The following PXDNL variants were observed in gnomAD, a reference collection of about 807,000 sequenced individuals.
The protein encoded by PXDNL is peroxidasin like.
PXDNL carries 145 observed loss-of-function variants against 150.8 expected under a neutral mutation model. The observed-to-expected ratio is 0.96, with a 90% CI of 0.84 to 1.10. The LOEUF (loss-of-function observed/expected upper bound fraction) is 1.10. PXDNL is among the 50% of genes least tolerant of loss of function. The probability of loss-of-function intolerance (pLI) is 0.00; values close to 1 mark genes in which losing one functional copy is unlikely to be tolerated. For synonymous variants in PXDNL, 757 were observed against 725.7 expected, an observed-to-expected ratio of 1.04 and a Z score of -0.69; for missense variants, 2,087 against 1,873.9, an observed-to-expected ratio of 1.11 and a Z score of -2.10.
At chr8:51,495,023 G>C (rs1811011161) in intron 5 of PXDNL, among the ~76,000 whole-genome samples, 1 of 152,100 alleles carries the variant, frequency 6.6e-6, no homozygotes. Flanking sequence ...TGACCACATA[G>C]TTGGAAGTAA....
chr8:51,606,113 T>A (rs1813834106), intron 2 of PXDNL, among the ~76,000 whole-genome samples: 1 of 152,208 alleles, frequency 6.6e-6, no homozygotes, highest in South Asian at 2.1e-4. Context: ...TATGAGATTG[T>A]GAATTGTGAT....
intron 12 of PXDNL, among the ~76,000 whole-genome samples, chr8:51,429,757 A>C (rs548805070): frequency 6.6e-6 from 1 of 150,776 alleles, no homozygotes; most frequent in Non-Finnish European, 1.5e-5. Flanking sequence ...GACTAAGGAA[A>C]TAAGAGCTTT....
intron 7 of PXDNL, among the ~76,000 whole-genome samples, chr8:51,473,987 C>A (rs1281789469): frequency 6.6e-6 from 1 of 152,178 alleles, no homozygotes; most frequent in African/African-American, 2.4e-5. Flanking sequence ...TCCAGCCAAA[C>A]TTGACTGTGG....
intron 12 of PXDNL, among the ~76,000 whole-genome samples, chr8:51,438,764 A>C (rs374386642): frequency 6.6e-6 from 1 of 152,296 alleles, no homozygotes; most frequent in African/African-American, 2.4e-5. Flanking sequence ...CCCAGAAATT[A>C]AGCCAAATAC....
At chr8:51,621,484 G>A (rs960242821) in intron 2 of PXDNL, among the ~76,000 whole-genome samples, 1 of 142,106 alleles carries the variant, frequency 7.0e-6, no homozygotes, top group African/African-American at 2.8e-5. Context: ...GTGTGTGTGT[G>A]TGTACAGCAA....
At chr8:51,787,757 G>A (rs947645871) in intron 1 of PXDNL, among the ~76,000 whole-genome samples, 3 of 152,222 alleles carry the variant, frequency 2.0e-5, no homozygotes, top group African/African-American at 4.8e-5. Context: ...AGCAAGGATT[G>A]AGAGAATTTA....
intron 19 of PXDNL, among the ~76,000 whole-genome samples, chr8:51,348,585 G>C (rs1806233558): frequency 6.6e-6 from 1 of 152,158 alleles, no homozygotes; most frequent in Admixed American, 6.5e-5. Flanking sequence ...TGCAATGTTA[G>C]TATAGTAGAT....
At chr8:51,502,086 A>C (rs75652462) in intron 4 of PXDNL, among the ~76,000 whole-genome samples, 1 of 151,946 alleles carries the variant, frequency 6.6e-6, no homozygotes, top group Non-Finnish European at 1.5e-5. Flanking sequence ...GAGCAACAGC[A>C]AAAAAAAATT....
At chr8:51,748,964 G>A (rs1315218801) in intron 1 of PXDNL, among the ~76,000 whole-genome samples, 2 of 152,152 alleles carry the variant, frequency 1.3e-5, no homozygotes, top group Admixed American at 6.5e-5. Context: ...TCTCCTTCAA[G>A]TTCCTTAGAG....
chr8:51,564,848 A>C (rs764264710), intron 3 of PXDNL, among the ~76,000 whole-genome samples: 1 of 151,984 alleles, frequency 6.6e-6, no homozygotes, highest in Non-Finnish European at 1.5e-5. Context: ...GAATCTTATA[A>C]ACCTTGTTAT....
At chr8:51,761,541 T>A (rs1458111377) in intron 1 of PXDNL, among the ~76,000 whole-genome samples, 2 of 152,226 alleles carry the variant, frequency 1.3e-5, no homozygotes, top group African/African-American at 4.8e-5. Flanking sequence ...TATACAAACA[T>A]GTATAATATG....
intron 2 of PXDNL, among the ~76,000 whole-genome samples, chr8:51,637,025 G>GCTGCTCAGCAACATTCA (rs1192037190): frequency 2.0e-5 from 3 of 152,108 alleles, no homozygotes; most frequent in Non-Finnish European, 2.9e-5. Context: ...AGCAACATTT[G>GCTGCTCAGCAACATTCA]CTGCTCAGCA....
chr8:51,588,237 A>G lies in PXDNL; in HGVS notation c.308+4390T>C, dbSNP rs534745080. Among the ~76,000 whole-genome samples, 20 of 152,362 alleles carry G rather than the reference A, an allele frequency of 1.3e-4. 1 individual carries two copies. The highest frequency in any genetic ancestry group is 4.8e-4 in the African/African-American group (20 of 41,596). On this transcript the variant is annotated intron_variant, in intron 3 of 22. Transcript: ENST00000356297. ...AGATATAAGAACTTGCAGATACTGT[A>G]TGCATTGAATGGGTCTTCTAACTCA...
At position 51,371,877 on chromosome 8, in the gene PXDNL, A is replaced by C. The variant is rs369775245; in HGVS notation, c.3897T>G (p.Cys1299Trp). 3.7e-6 allele frequency: 6 copies of C among 1,613,090 alleles called. No individual in the cohort carries two copies. The highest frequency in any genetic ancestry group is 5.1e-6 in the Non-Finnish European group (6 of 1,179,358). The change falls in exon 19 of 23, where the codon TGT (cysteine) becomes TGG (tryptophan). Residue 1299 changes from cysteine (C) to tryptophan (W), a missense_variant. By Grantham distance (215) the Cys-to-Trp change is radical. Transcript: ENST00000356297. ...KVDLRVWQDC[C>W]ADCRSRGQFR... ...GCTCATTGCATTATTACTGACCTGC[A>C]CAGCAGTCTTGCCACACTCGCAGGT...
chr8:51,650,027 C>G (rs1815000607), intron 2 of PXDNL, among the ~76,000 whole-genome samples: 1 of 149,438 alleles, frequency 6.7e-6, no homozygotes, highest in Non-Finnish European at 1.5e-5. Context: ...CACTTAAACC[C>G]CTGAGGCAGA....
At chr8:51,791,570 C>T (rs1049517343) in intron 1 of PXDNL, among the ~76,000 whole-genome samples, 2 of 152,230 alleles carry the variant, frequency 1.3e-5, no homozygotes, top group African/African-American at 4.8e-5. Context: ...TTAATTCCAT[C>T]TCGTTGGTCA....
chr8:51,689,121 G>T lies in PXDNL; in HGVS notation c.165-34361C>A, dbSNP rs1815936274. On this transcript the variant is annotated intron_variant, in intron 1 of 22. Transcript: ENST00000356297. ...GGCCCATCTGTTCAAACAGCAGGTT[G>T]CCAGCCCACAAGTCTCTTGGAGCCC... Among the ~76,000 whole-genome samples the T allele has an allele frequency of 3.9e-5, 6 of 152,302 alleles. No homozygotes were observed. In the South Asian group the frequency reaches 1.2e-3, roughly 32 times the overall value.
At chr8:51,526,498 C>A (rs1811774334) in intron 4 of PXDNL, among the ~76,000 whole-genome samples, 1 of 152,034 alleles carries the variant, frequency 6.6e-6, no homozygotes, top group African/African-American at 2.4e-5. Flanking sequence ...GAAAAAATGT[C>A]CAGCAGTTAA....
At chr8:51,338,524 G>A (rs886427720) in intron 21 of PXDNL, among the ~76,000 whole-genome samples, 2 of 152,238 alleles carry the variant, frequency 1.3e-5, no homozygotes, top group African/African-American at 4.8e-5. Flanking sequence ...CAGGCCAATA[G>A]TGAGGGCAGA....
Sources: allele counts gnomAD v4.1 joint callset (sites outside exome capture counted in the v4.1 genomes callset), GRCh38; gene constraint gnomAD v4.1.1; transcripts MANE v1.5; gene names NCBI Gene and HGNC (gene_info 2026-07-23, HGNC 2026-07-21).